Variants in KCNU1 observed in about 807,000 individuals in gnomAD.
KCNU1 encodes potassium channel subfamily U member 1.
Under a neutral mutation model 126.8 loss-of-function variants are expected in KCNU1, and 93 were observed. The ratio of observed to expected loss-of-function variants is 0.73; its 90% confidence interval spans 0.62 to 0.87. The LOEUF is 0.87. KCNU1 is among the 40% of genes least tolerant of loss of function. The probability of loss-of-function intolerance (pLI) is 0.00; values close to 1 mark genes in which losing one functional copy is unlikely to be tolerated. For synonymous variants in KCNU1, 523 were observed against 494.2 expected (o/e 1.06, Z -0.77); for missense variants, 1,330 against 1,367.1 (o/e 0.97, Z 0.43).
intron 19 of KCNU1, among the ~76,000 whole-genome samples, chr8:36,892,325 T>C (rs1806995056): frequency 1.3e-5 from 2 of 152,108 alleles, no homozygotes; most frequent in Non-Finnish European, 2.9e-5. Context: ...TTATAATCTA[T>C]CTCCTCACTG....
chr8:36,814,143 A>G (rs1803823762), intron 7 of KCNU1, 64 bp from the exon 8 acceptor site: 5 of 1,285,204 alleles, frequency 3.9e-6, no homozygotes, highest in Non-Finnish European at 4.4e-6. Flanking sequence ...TGTTTTGCCT[A>G]TTCTTTAAAA....
intron 19 of KCNU1, among the ~76,000 whole-genome samples, chr8:36,890,043 G>A (rs561358630): frequency 2.6e-5 from 4 of 152,020 alleles, no homozygotes; most frequent in African/African-American, 9.6e-5. Flanking sequence ...AAGGAAACAG[G>A]CAGACTTCCT....
At chr8:36,841,508 A>G (rs1273390323) in intron 16 of KCNU1, among the ~76,000 whole-genome samples, 2 of 152,128 alleles carry the variant, frequency 1.3e-5, no homozygotes, top group Non-Finnish European at 2.9e-5. Context: ...CCTGGCCAAC[A>G]TGGTGAAACC....
At chr8:36,805,158 T>C (rs1180978310) in intron 3 of KCNU1, 37 bp from the exon 4 acceptor site, 4 of 1,486,218 alleles carry the variant, frequency 2.7e-6, no homozygotes, top group East Asian at 2.3e-5. Context: ...ACTTTAAAAA[T>C]GTTGATCTTC....
At chr8:36,808,403 T>G (rs1490551953) in intron 6 of KCNU1, among the ~76,000 whole-genome samples, 1 of 152,120 alleles carries the variant, frequency 6.6e-6, no homozygotes, top group Non-Finnish European at 1.5e-5. Context: ...GTAGATATTT[T>G]AAAAAGTGAT....
rs113877164 is a variant in KCNU1, at chr8:36,835,348, CT to C, written c.1295+493del. Among the ~76,000 whole-genome samples, 468 of 141,532 alleles carry C rather than the reference CT, an allele frequency of 3.3e-3. 6 individuals are homozygous for C. The highest frequency in any genetic ancestry group is 8.3e-3 in the African/African-American group (320 of 38,480). The allele number at this position is 141,532 out of a possible 152,430, so 92.9% of individuals were successfully genotyped here. A position where few individuals can be genotyped will look rare whatever the true frequency, so the allele number is the denominator to read the frequency against. On this transcript the variant is annotated intron_variant, in intron 12 of 26. Coordinates refer to ENST00000399881, the MANE Select transcript of KCNU1 (RefSeq NM_001031836.3). ...TAAGTATTCTCTTTTCTTTTCTTTT[CT>C]TTTTTTTTTTTTGAGACGGAGTTTT...
chr8:36,850,161 C>T (rs1376360382), intron 18 of KCNU1, among the ~76,000 whole-genome samples: 1 of 152,028 alleles, frequency 6.6e-6, no homozygotes, highest in African/African-American at 2.4e-5. Context: ...TGATTATTGT[C>T]TTTCTACTAT....
intron 19 of KCNU1, among the ~76,000 whole-genome samples, chr8:36,901,763 G>A (rs984935712): frequency 1.3e-5 from 2 of 151,984 alleles, no homozygotes; most frequent in Admixed American, 6.6e-5. Context: ...TGTGACCAGG[G>A]AACCAACCCC....
At chr8:36,906,978 G>A (rs568710168) in intron 20 of KCNU1, among the ~76,000 whole-genome samples, 5 of 152,260 alleles carry the variant, frequency 3.3e-5, no homozygotes, top group South Asian at 2.1e-4. Flanking sequence ...GAGACCAAAC[G>A]ATGGAAATAG....
intron 2 of KCNU1, among the ~76,000 whole-genome samples, chr8:36,793,102 G>A (rs991556574): frequency 1.3e-5 from 2 of 150,308 alleles, no homozygotes; most frequent in Non-Finnish European, 2.9e-5. Flanking sequence ...ACTATCACAA[G>A]GACAAAAAAC....
At chr8:36,902,658 TTAGA>T (rs958754091) in intron 19 of KCNU1, among the ~76,000 whole-genome samples, 12 of 152,242 alleles carry the variant, frequency 7.9e-5, no homozygotes, top group African/African-American at 2.9e-4. Context: ...GAAGCGACTC[TTAGA>T]TAGAAAGAGG....
At chr8:36,883,117 G>T (rs1806549752) in intron 19 of KCNU1, among the ~76,000 whole-genome samples, 3 of 152,120 alleles carry the variant, frequency 2.0e-5, no homozygotes, top group Admixed American at 6.5e-5. Flanking sequence ...TCTCATGAGA[G>T]GTTAAAATTC....
chr8:36,867,295 T>C (rs1805945353), intron 19 of KCNU1, among the ~76,000 whole-genome samples: 1 of 152,030 alleles, frequency 6.6e-6, no homozygotes, highest in African/African-American at 2.4e-5. Context: ...ACAGTGGGAA[T>C]CTCAACTTCT....
intron 2 of KCNU1, among the ~76,000 whole-genome samples, chr8:36,796,304 C>A (rs1436937262): frequency 1.3e-5 from 2 of 152,024 alleles, no homozygotes; most frequent in African/African-American, 4.8e-5. Context: ...TGGAGAAATT[C>A]TTTGTTGCCT....
intron 20 of KCNU1, among the ~76,000 whole-genome samples, 160 bp from the exon 21 acceptor site, chr8:36,909,151 G>A (rs1807757589): frequency 6.6e-6 from 1 of 152,164 alleles, no homozygotes; most frequent in African/African-American, 2.4e-5. Flanking sequence ...ACTTGTGCAT[G>A]AGTTCTGTTT....
At chr8:36,842,746 C>A (rs1226241345) in intron 16 of KCNU1, among the ~76,000 whole-genome samples, 1 of 152,204 alleles carries the variant, frequency 6.6e-6, no homozygotes, top group Admixed American at 6.5e-5. Context: ...TTTCGGCTCA[C>A]TGCAACCTCC....
intron 24 of KCNU1, among the ~76,000 whole-genome samples, chr8:36,926,068 T>C (rs896888246): frequency 6.6e-6 from 1 of 152,160 alleles, no homozygotes; most frequent in African/African-American, 2.4e-5. Context: ...GAATCATAGC[T>C]ATTGATCTTA....
chr8:36,798,638 C>T (rs1803192673), intron 2 of KCNU1, among the ~76,000 whole-genome samples: 1 of 152,154 alleles, frequency 6.6e-6, no homozygotes, highest in Non-Finnish European at 1.5e-5. Context: ...TTTACCTTAA[C>T]CTGAACATTT....
At chr8:36,890,248 A>T (rs949442490) in intron 19 of KCNU1, among the ~76,000 whole-genome samples, 28 of 152,058 alleles carry the variant, frequency 1.8e-4, no homozygotes, top group South Asian at 2.1e-4. Flanking sequence ...AAATGAATTA[A>T]TTTTTTTTAT....
Sources: gnomAD v4.1 joint callset for allele counts (sites outside exome capture counted in the v4.1 genomes callset) on GRCh38, gnomAD v4.1.1 for gene constraint, MANE v1.5 for transcripts, NCBI Gene and HGNC (gene_info 2026-07-23, HGNC 2026-07-21) for gene names.